ANKRD6: variants seen among roughly 807,000 people sequenced by gnomAD.
The protein encoded by ANKRD6 is ankyrin repeat domain 6.
Under a neutral mutation model 82.3 loss-of-function variants are expected in ANKRD6, and 56 were observed. The observed-to-expected ratio is 0.68, with a 90% CI of 0.55 to 0.85. The LOEUF is 0.85. Among genes scored for constraint, ANKRD6 ranks in the 40% least tolerant of loss-of-function variants. The pLI is 0.00. For missense variants in ANKRD6, 852 were observed against 907.6 expected, an observed-to-expected ratio of 0.94 and a Z score of 0.79; for synonymous variants, 347 against 352.1, an observed-to-expected ratio of 0.99 and a Z score of 0.16.
At position 89,630,522 on chromosome 6, in the gene ANKRD6, T is replaced by A. The variant is rs1328658607; in HGVS notation, c.1702T>A (p.Ser568Thr). 6.2e-7 allele frequency: 1 copy of A among 1,613,862 alleles called. No homozygotes were observed. Among genetic ancestry groups the A allele is most frequent in the African/African-American group, 1.3e-5 (1 of 74,920 alleles). The change falls in exon 16 of 16, where the codon TCC (serine) becomes ACC (threonine). Residue 568 changes from serine (S) to threonine (T), a missense_variant. Physicochemically the swap from Ser to Thr is moderately conservative, Grantham distance 58. Coordinates refer to ENST00000339746, the MANE Select transcript of ANKRD6 (RefSeq NM_001242809.2). ...TAGGCCCAAAGAGAAGGCCCTCAAC[T>A]CCACTGCTACCCAGAGACTCCAGCA... ...VVRPKEKALN[S>T]TATQRLQQEL... is the part of the protein sequence containing the mutation.
At chr6:89,508,208 G>GT (rs1780104047) in intron 1 of ANKRD6, among the ~76,000 whole-genome samples, 1 of 152,196 alleles carries the variant, frequency 6.6e-6, no homozygotes, top group African/African-American at 2.4e-5. Flanking sequence ...TGGCTGGGTG[G>GT]TTCTGGCTCA....
chr6:89,488,581 T>A (rs1367868600), intron 1 of ANKRD6, among the ~76,000 whole-genome samples: 1 of 152,228 alleles, frequency 6.6e-6, no homozygotes, highest in Non-Finnish European at 1.5e-5. Context: ...ATTCTCAGAT[T>A]TCTGAAAATA....
chr6:89,609,607 TCAC>T (rs1024279970), intron 5 of ANKRD6, among the ~76,000 whole-genome samples: 2 of 151,536 alleles, frequency 1.3e-5, no homozygotes, highest in Non-Finnish European at 2.9e-5. Flanking sequence ...CGGCCTGTAA[TCAC>T]CACGTTTTTT....
chr6:89,467,647 G>A (rs1235393693), intron 1 of ANKRD6, among the ~76,000 whole-genome samples: 2 of 152,192 alleles, frequency 1.3e-5, no homozygotes, highest in Non-Finnish European at 2.9e-5. Flanking sequence ...TAGTATCACA[G>A]TGCTTTCTAT....
At chr6:89,625,266 G>A (rs1042872617) in intron 13 of ANKRD6, among the ~76,000 whole-genome samples, 2 of 151,426 alleles carry the variant, frequency 1.3e-5, no homozygotes, top group African/African-American at 4.9e-5. Context: ...CTGGGTGACA[G>A]AGCAAGACTC....
chr6:89,602,879 C>T (rs1797562503), intron 3 of ANKRD6, 150 bp from the exon 4 acceptor site: 3 of 603,682 alleles, frequency 5.0e-6, no homozygotes, highest in Non-Finnish European at 8.7e-6. Flanking sequence ...CAAAGCCCGC[C>T]TTGCCTGTGG....
chr6:89,560,200 A>G (rs962828104), intron 1 of ANKRD6, among the ~76,000 whole-genome samples: 1 of 152,084 alleles, frequency 6.6e-6, no homozygotes, highest in African/African-American at 2.4e-5. Context: ...GGCTTAAACA[A>G]CAGAAATTTA....
At chr6:89,447,256 A>G (rs1204728063) in intron 1 of ANKRD6, among the ~76,000 whole-genome samples, 3 of 151,986 alleles carry the variant, frequency 2.0e-5, no homozygotes, top group African/African-American at 7.3e-5. Context: ...CCCTGTCTCA[A>G]AAAAAAGGGA....
Position 89,596,515 on chromosome 6 carries a change from G to T in ANKRD6, c.219+501G>T, listed in dbSNP as rs116481841. 2.2e-3 allele frequency among the ~76,000 whole-genome samples: 330 copies of T among 152,294 alleles called. 1 individual carries two copies. Among genetic ancestry groups the T allele is most frequent in the African/African-American group, 7.7e-3 (318 of 41,560 alleles). ...TGATCTATTCAAGTTGGGGAGTTGG[G>T]GGAAGACACAGATCTCATGGAATCT... On this transcript the variant is annotated intron_variant, in intron 3 of 15. Coordinates refer to ENST00000339746, the MANE Select transcript of ANKRD6 (RefSeq NM_001242809.2).
At chr6:89,520,902 C>T (rs1562708156) in intron 1 of ANKRD6, among the ~76,000 whole-genome samples, 1 of 152,098 alleles carries the variant, frequency 6.6e-6, no homozygotes, top group Non-Finnish European at 1.5e-5. Flanking sequence ...GTGGGAGGAT[C>T]ATTTGAGCTT....
intron 1 of ANKRD6, among the ~76,000 whole-genome samples, chr6:89,534,865 T>G (rs1174961584): frequency 6.6e-6 from 1 of 152,326 alleles, no homozygotes; most frequent in East Asian, 1.9e-4. Flanking sequence ...GAGGCAGCTA[T>G]TCCATCTTAA....
At chr6:89,514,070 G>A (rs1780904185) in intron 1 of ANKRD6, among the ~76,000 whole-genome samples, 2 of 152,110 alleles carry the variant, frequency 1.3e-5, no homozygotes, top group African/African-American at 4.8e-5. Context: ...ACACAAAGTC[G>A]TAAGCTTTCT....
intron 1 of ANKRD6, among the ~76,000 whole-genome samples, chr6:89,483,775 C>T (rs1777055735): frequency 6.6e-6 from 1 of 152,182 alleles, no homozygotes; most frequent in African/African-American, 2.4e-5. Context: ...TATATTTGTG[C>T]ACGTGTATGT....
intron 3 of ANKRD6, chr6:89,602,281 T>G (rs1797371763): frequency 6.6e-6 from 1 of 152,246 alleles, no homozygotes; most frequent in Middle Eastern, 3.2e-3. Flanking sequence ...AGTCTTGACC[T>G]GCTTACCTCT....
At chr6:89,547,456 GGT>G (rs549674858) in intron 1 of ANKRD6, among the ~76,000 whole-genome samples, 72 of 152,292 alleles carry the variant, frequency 4.7e-4, no homozygotes, top group African/African-American at 1.7e-3. Flanking sequence ...CATCAGGTGT[GGT>G]GTCTTGTTCC....
intron 2 of ANKRD6, among the ~76,000 whole-genome samples, chr6:89,577,099 G>A (rs1791287881): frequency 6.6e-6 from 1 of 151,872 alleles, no homozygotes; most frequent in South Asian, 2.1e-4. Flanking sequence ...TCAAATCGAA[G>A]TGCCCACACT....
chr6:89,549,520 T>C (rs1785534522), intron 1 of ANKRD6, among the ~76,000 whole-genome samples: 1 of 152,192 alleles, frequency 6.6e-6, no homozygotes, highest in Non-Finnish European at 1.5e-5. Context: ...TAGATCTCTG[T>C]TCATTATGAG....
intron 1 of ANKRD6, among the ~76,000 whole-genome samples, chr6:89,556,864 C>T (rs1479756230): frequency 6.6e-6 from 1 of 152,192 alleles, no homozygotes; most frequent in Admixed American, 6.5e-5. Flanking sequence ...GAAACAGACT[C>T]AGAGTCATTA....
intron 1 of ANKRD6, among the ~76,000 whole-genome samples, chr6:89,509,627 T>A (rs1780295752): frequency 6.6e-6 from 1 of 152,322 alleles, no homozygotes; most frequent in Non-Finnish European, 1.5e-5. Flanking sequence ...TTGCCTTTAT[T>A]TTTTTCTCAA....
Sources: gnomAD v4.1 joint callset for allele counts (sites outside exome capture counted in the v4.1 genomes callset) on GRCh38, gnomAD v4.1.1 for gene constraint, MANE v1.5 for transcripts, NCBI Gene and HGNC (gene_info 2026-07-23, HGNC 2026-07-21) for gene names.